ADAMTS17: variants seen among roughly 807,000 people sequenced by gnomAD.
The protein encoded by ADAMTS17 is A disintegrin and metalloproteinase with thrombospondin motifs 17.
ADAMTS17 carries 113 observed loss-of-function variants against 141.5 expected under a neutral mutation model. The ratio of observed to expected loss-of-function variants is 0.80; its 90% confidence interval spans 0.69 to 0.93. The LOEUF (loss-of-function observed/expected upper bound fraction) is 0.93, where lower values mean the gene tolerates loss of function less well. ADAMTS17 is among the 40% of genes least tolerant of loss of function. The pLI is 0.00. For synonymous variants in ADAMTS17, 768 were observed against 630.6 expected (o/e 1.22, Z -3.27); for missense variants, 1,659 against 1,517.9 (o/e 1.09, Z -1.54).
intron 10 of ADAMTS17, among the ~76,000 whole-genome samples, chr15:100,148,826 TAA>T (rs75732846): frequency 2.1e-5 from 3 of 139,940 alleles, no homozygotes. Flanking sequence ...AAGCTTATAT[TAA>T]AAAAAAAAAA....
intron 7 of ADAMTS17, among the ~76,000 whole-genome samples, chr15:100,219,497 AC>A (rs1183720198): frequency 6.6e-6 from 1 of 152,200 alleles, no homozygotes; most frequent in Admixed American, 6.5e-5. Context: ...GAAAATCGCC[AC>A]CACTCATAAC....
At chr15:100,005,635 G>A (rs1314712497) in intron 18 of ADAMTS17, among the ~76,000 whole-genome samples, 3 of 152,066 alleles carry the variant, frequency 2.0e-5, no homozygotes, top group African/African-American at 7.2e-5. Context: ...CTACTTTAAG[G>A]CCAGCTGATT....
intron 4 of ADAMTS17, among the ~76,000 whole-genome samples, chr15:100,269,395 C>T (rs2142025307): frequency 6.6e-6 from 1 of 152,332 alleles, no homozygotes; most frequent in East Asian, 1.9e-4. Flanking sequence ...CTTTTATACT[C>T]TAGCCTCTGT....
chr15:100,132,154 T>G lies in ADAMTS17; in HGVS notation c.1576-2A>C. The G allele has an allele frequency of 6.2e-7, 1 of 1,613,090 alleles. No homozygotes were observed. The highest frequency in any genetic ancestry group is 8.5e-7 in the Non-Finnish European group (1 of 1,179,826). On this transcript the variant is annotated splice_acceptor_variant, in intron 11 of 21. Transcript: ENST00000268070. LOFTEE classifies it high-confidence loss of function. ...CACGCACTCCCCCGCGCGGCACCACTGAAACACAGCGGGGAGGGTCGGGGC... is the reference window on the plus strand; with the variant it reads ...CACGCACTCCCCCGCGCGGCACCACGGAAACACAGCGGGGAGGGTCGGGGC...
intron 8 of ADAMTS17, among the ~76,000 whole-genome samples, chr15:100,179,567 A>G (rs1222540081): frequency 6.6e-6 from 1 of 152,162 alleles, no homozygotes; most frequent in Non-Finnish European, 1.5e-5. Context: ...TACCTAGCAG[A>G]GAGATTGCTG....
intron 15 of ADAMTS17, among the ~76,000 whole-genome samples, chr15:100,087,894 C>T (rs1180401690): frequency 2.0e-5 from 3 of 152,186 alleles, no homozygotes; most frequent in Non-Finnish European, 4.4e-5. Flanking sequence ...ACTGAATGGG[C>T]AAAAACTGGA....
chr15:100,172,391 C>T (rs892068269), intron 8 of ADAMTS17, among the ~76,000 whole-genome samples: 1 of 152,126 alleles, frequency 6.6e-6, no homozygotes, highest in Non-Finnish European at 1.5e-5. Flanking sequence ...CTTTGTCCTC[C>T]ATTTTAAAGT....
At chr15:100,121,795 T>C (rs1264311740) in intron 12 of ADAMTS17, among the ~76,000 whole-genome samples, 1 of 152,064 alleles carries the variant, frequency 6.6e-6, no homozygotes, top group African/African-American at 2.4e-5. Flanking sequence ...TCTCTCAGCA[T>C]GCTTCTTCAG....
At chr15:99,986,256 T>C (rs186720588) in intron 20 of ADAMTS17, among the ~76,000 whole-genome samples, 1 of 152,304 alleles carries the variant, frequency 6.6e-6, no homozygotes, top group East Asian at 1.9e-4. Flanking sequence ...TGATACAAGG[T>C]TCGTTCATTG....
chr15:100,146,429 A>G (rs975655607), intron 10 of ADAMTS17, among the ~76,000 whole-genome samples: 3 of 152,182 alleles, frequency 2.0e-5, no homozygotes, highest in African/African-American at 4.8e-5. Flanking sequence ...CACCTCCCCA[A>G]TCAATACCCT....
rs957710964 is a variant in ADAMTS17, at chr15:100,168,659, G to C, written c.1182-13339C>G. ...TGGAGAGCAATTCCTCAGTTTTAGGGAAGTCTACAGCCACTCCAAGTCTTC... is the reference window on the plus strand; with the variant it reads ...TGGAGAGCAATTCCTCAGTTTTAGGCAAGTCTACAGCCACTCCAAGTCTTC... On this transcript the variant is annotated intron_variant, in intron 8 of 21. Coordinates refer to ENST00000268070, the MANE Select transcript of ADAMTS17 (RefSeq NM_139057.4). 5.9e-5 allele frequency: 9 copies of C among 152,336 alleles called. No individual in the cohort carries two copies. In the East Asian group the frequency reaches 1.2e-3, roughly 20 times the overall value. 9.4% of individuals were successfully genotyped at this position (152,336 alleles called of 1,614,324 possible).
chr15:100,269,439 T>C (rs529004503), intron 4 of ADAMTS17, among the ~76,000 whole-genome samples: 1 of 152,326 alleles, frequency 6.6e-6, no homozygotes, highest in South Asian at 2.1e-4. Flanking sequence ...TTTTGATTGA[T>C]TGACTGATCT....
At chr15:100,183,581 A>T (rs1393964624) in intron 8 of ADAMTS17, among the ~76,000 whole-genome samples, 1 of 152,170 alleles carries the variant, frequency 6.6e-6, no homozygotes, top group Admixed American at 6.5e-5. Context: ...AAGCATTATT[A>T]TGATTTATAA....
chr15:100,091,013 A>C (rs373803100), intron 15 of ADAMTS17, among the ~76,000 whole-genome samples: 92 of 141,994 alleles, frequency 6.5e-4, no homozygotes, highest in South Asian at 1.4e-3. Flanking sequence ...GTCTCAACAA[A>C]AAAAAAAAAA....
intron 15 of ADAMTS17, among the ~76,000 whole-genome samples, chr15:100,069,077 T>C (rs964034194): frequency 6.6e-6 from 1 of 152,178 alleles, no homozygotes; most frequent in South Asian, 2.1e-4. Context: ...AACCAAGCCA[T>C]GAGAACTACG....
At chr15:100,066,275 C>A (rs1374763694) in intron 15 of ADAMTS17, among the ~76,000 whole-genome samples, 1 of 151,260 alleles carries the variant, frequency 6.6e-6, no homozygotes, top group African/African-American at 2.5e-5. Context: ...TTTTGTGCAT[C>A]TACTGAAATC....
intron 15 of ADAMTS17, among the ~76,000 whole-genome samples, chr15:100,086,437 C>G (rs1404987446): frequency 1.3e-5 from 2 of 151,858 alleles, no homozygotes; most frequent in Non-Finnish European, 2.9e-5. Context: ...GACAGATCAA[C>G]GAGACAGACA....
At chr15:100,137,311 G>T (rs966548150) in intron 10 of ADAMTS17, among the ~76,000 whole-genome samples, 1 of 152,180 alleles carries the variant, frequency 6.6e-6, no homozygotes, top group South Asian at 2.1e-4. Flanking sequence ...GGGAGCTGTG[G>T]GAGGCTGTCT....
At chr15:100,160,683 T>G (rs1039206175) in intron 8 of ADAMTS17, among the ~76,000 whole-genome samples, 1 of 152,214 alleles carries the variant, frequency 6.6e-6, no homozygotes, top group African/African-American at 2.4e-5. Flanking sequence ...AGCGTTTCAC[T>G]CTGCCGGCCG....
Sources: gnomAD v4.1 joint callset for allele counts (sites outside exome capture counted in the v4.1 genomes callset) on GRCh38, gnomAD v4.1.1 for gene constraint, MANE v1.5 for transcripts, NCBI Gene and HGNC (gene_info 2026-07-23, HGNC 2026-07-21) for gene names.